The following PLCH1 variants were observed in gnomAD, a reference collection of about 807,000 sequenced individuals.
PLCH1 encodes the protein 1-phosphatidylinositol 4,5-bisphosphate phosphodiesterase eta-1.
PLCH1 carries 60 observed loss-of-function variants against 126.7 expected under a neutral mutation model. The ratio of observed to expected loss-of-function variants is 0.47; its 90% CI spans 0.38 to 0.59. The LOEUF (loss-of-function observed/expected upper bound fraction) is 0.59, where lower values mean the gene tolerates loss of function less well. PLCH1 is among the 20% of genes least tolerant of loss of function. The probability of loss-of-function intolerance (pLI) is 0.00; values close to 1 mark genes in which losing one functional copy is unlikely to be tolerated. For synonymous variants in PLCH1, 719 were observed against 734.9 expected, an observed-to-expected ratio of 0.98 and a Z score of 0.35; for missense variants, 1,723 against 2,040.0, an observed-to-expected ratio of 0.84 and a Z score of 2.99.
At position 155,547,740 on chromosome 3, in the gene PLCH1, G is replaced by A. The variant is rs569151932; in HGVS notation, c.1362+2047C>T. ...AAATGATGAGTTCATGTCCTTTGTA[G>A]GGACATGGATGAAATTGGAAATCAT... is the stretch of plus-strand genomic sequence containing the variant. On this transcript the variant is annotated intron_variant, in intron 10 of 22. Coordinates refer to ENST00000460012, the MANE Select transcript of PLCH1 (RefSeq NM_014996.4). Among the ~76,000 whole-genome samples the A allele has an allele frequency of 3.4e-3, 519 of 151,870 alleles. 1 individual carries two copies. The highest frequency in any genetic ancestry group is 5.5e-3 in the Non-Finnish European group (374 of 67,940).
chr3:155,681,089 C>T (rs1404334461), intron 2 of PLCH1, among the ~76,000 whole-genome samples: 1 of 151,896 alleles, frequency 6.6e-6, no homozygotes, highest in African/African-American at 2.4e-5. Flanking sequence ...CAGAGGTTAT[C>T]CACAGCTATC....
chr3:155,680,251 C>T lies in PLCH1; in HGVS notation c.79+23895G>A, dbSNP rs550987800. On this transcript the variant is annotated intron_variant, in intron 2 of 22. Transcript: ENST00000460012. Reference sequence around the variant, plus strand: ...TACAAAAATTAGCCGAGTGTGGTGGCGTGAACCTGTAGTCCCAGCTACTCA... The same window carrying T: ...TACAAAAATTAGCCGAGTGTGGTGGTGTGAACCTGTAGTCCCAGCTACTCA... Among the ~76,000 whole-genome samples, 209 of 151,900 alleles carry T rather than the reference C, an allele frequency of 1.4e-3. 3 individuals are homozygous for T. The highest frequency in any genetic ancestry group is 2.4e-3 in the Non-Finnish European group (163 of 67,952).
intron 13 of PLCH1, among the ~76,000 whole-genome samples, chr3:155,503,942 A>G (rs1440028211): frequency 6.6e-6 from 1 of 152,256 alleles, no homozygotes; most frequent in Non-Finnish European, 1.5e-5. Flanking sequence ...TACTTGCACA[A>G]ATGTGCACAA....
At chr3:155,709,576 A>G (rs1314063437) in intron 1 of PLCH1, among the ~76,000 whole-genome samples, 2 of 152,154 alleles carry the variant, frequency 1.3e-5, no homozygotes, top group African/African-American at 4.8e-5. Flanking sequence ...TGCCAGTAGT[A>G]TATCTTCTTC....
intron 2 of PLCH1, among the ~76,000 whole-genome samples, chr3:155,676,762 G>C (rs1056873340): frequency 3.3e-5 from 5 of 152,008 alleles, no homozygotes; most frequent in African/African-American, 7.2e-5. Flanking sequence ...TCACAGAAAA[G>C]ACTGGAATGT....
At chr3:155,563,596 A>G (rs1321046989) in intron 8 of PLCH1, among the ~76,000 whole-genome samples, 1 of 151,392 alleles carries the variant, frequency 6.6e-6, no homozygotes, top group Non-Finnish European at 1.5e-5. Flanking sequence ...TCCTGCTTCC[A>G]GTTTCACCTC....
rs774024945 is a variant in PLCH1, at chr3:155,526,484, T to TACACACACACA, written c.1363-2481_1363-2480insTGTGTGTGTGT. 7.0e-3 allele frequency among the ~76,000 whole-genome samples: 661 copies of TACACACACACA among 94,280 alleles called. 3 individuals carry two copies. The highest frequency in any genetic ancestry group is 0.016 in the Middle Eastern group (3 of 192). 61.9% of individuals were successfully genotyped at this position (94,280 alleles called of 152,430 possible). On this transcript the variant is annotated intron_variant, in intron 10 of 22. Transcript: ENST00000460012. ...TCTCTTTCTCTCTTCTTTCTCTCTC[T>TACACACACACA]CTCATACACACACACACACACACAC...
intron 1 of PLCH1, among the ~76,000 whole-genome samples, chr3:155,737,877 T>G (rs1182571860): frequency 6.6e-6 from 1 of 152,136 alleles, no homozygotes; most frequent in Admixed American, 6.6e-5. Flanking sequence ...CCTCTTCAAC[T>G]TAATTGAAGA....
chr3:155,663,471 A>C (rs545970819), intron 2 of PLCH1, among the ~76,000 whole-genome samples: 3 of 152,304 alleles, frequency 2.0e-5, no homozygotes, highest in Admixed American at 1.3e-4. Flanking sequence ...CCCACTTTCC[A>C]TAAGCCAGTC....
At chr3:155,540,908 A>T (rs1189179407) in intron 10 of PLCH1, among the ~76,000 whole-genome samples, 1 of 152,238 alleles carries the variant, frequency 6.6e-6, no homozygotes. Context: ...AGAGGCAAAG[A>T]AGTCATTATA....
intron 12 of PLCH1, among the ~76,000 whole-genome samples, chr3:155,509,201 T>C (rs1719117779): frequency 7.4e-6 from 1 of 135,286 alleles, no homozygotes; most frequent in Admixed American, 7.0e-5. Flanking sequence ...AGTGGTGATA[T>C]CCCCTTTATC....
At chr3:155,494,102 A>G (rs1716649734) in intron 17 of PLCH1, 39 bp downstream of exon 17, 2 of 1,476,340 alleles carry the variant, frequency 1.4e-6, no homozygotes, top group African/African-American at 1.4e-5. Context: ...TATGAAATTA[A>G]CACACACCTG....
chr3:155,725,259 G>A (rs1303248177), intron 1 of PLCH1, among the ~76,000 whole-genome samples: 1 of 152,102 alleles, frequency 6.6e-6, no homozygotes, highest in African/African-American at 2.4e-5. Flanking sequence ...AGATGCATAT[G>A]TAAGTATTTT....
intron 6 of PLCH1, among the ~76,000 whole-genome samples, chr3:155,570,288 C>T (rs532815124): frequency 6.6e-6 from 1 of 152,258 alleles, no homozygotes; most frequent in South Asian, 2.1e-4. Context: ...GAAGGTTCAA[C>T]ATAGGTTAAT....
intron 2 of PLCH1, among the ~76,000 whole-genome samples, chr3:155,688,458 A>ATG (rs1745120039): frequency 6.6e-6 from 1 of 152,322 alleles, no homozygotes. Flanking sequence ...GCAGAACAGA[A>ATG]GCCTACACCA....
chr3:155,646,939 C>G (rs1159602962), intron 2 of PLCH1, among the ~76,000 whole-genome samples: 1 of 152,226 alleles, frequency 6.6e-6, no homozygotes, highest in Admixed American at 6.5e-5. Context: ...TTCTTGGACA[C>G]TCCTTTCACT....
At chr3:155,694,043 T>A (rs1745617766) in intron 2 of PLCH1, among the ~76,000 whole-genome samples, 1 of 152,214 alleles carries the variant, frequency 6.6e-6, no homozygotes, top group African/African-American at 2.4e-5. Flanking sequence ...TGTATTTCTA[T>A]CCATGTCCTT....
intron 1 of PLCH1, among the ~76,000 whole-genome samples, chr3:155,707,987 A>T (rs955676014): frequency 1.3e-5 from 2 of 152,144 alleles, no homozygotes; most frequent in Non-Finnish European, 2.9e-5. Flanking sequence ...CTCTCCCTCC[A>T]GTTTACCTAA....
chr3:155,460,414 A>G (rs1712668404), intron 21 of PLCH1, among the ~76,000 whole-genome samples: 4 of 152,180 alleles, frequency 2.6e-5, no homozygotes, highest in Admixed American at 2.0e-4. Flanking sequence ...CAGATTATAA[A>G]TGGGATTTGG....
Sources: allele counts gnomAD v4.1 joint callset (sites outside exome capture counted in the v4.1 genomes callset), GRCh38; gene constraint gnomAD v4.1.1; transcripts MANE v1.5; gene names NCBI Gene and HGNC (gene_info 2026-07-23, HGNC 2026-07-21).